KDM4C: variants seen among roughly 807,000 people sequenced by gnomAD.
The protein encoded by KDM4C is lysine demethylase 4C.
Under a neutral mutation model 129.3 loss-of-function variants are expected in KDM4C, and 81 were observed. The observed-to-expected ratio is 0.63, with a 90% confidence interval of 0.52 to 0.75. The LOEUF is 0.75. Ranked by LOEUF, KDM4C falls within the 30% of genes least tolerant of loss-of-function variation. The pLI, the probability that KDM4C is intolerant of heterozygous loss-of-function variation, is 0.00. For synonymous variants in KDM4C, 573 were observed against 456.1 expected (o/e 1.26, Z -3.26); for missense variants, 1,457 against 1,304.0 (o/e 1.12, Z -1.81).
At chr9:7,142,426 C>T (rs1176591217) in intron 19 of KDM4C, among the ~76,000 whole-genome samples, 1 of 152,156 alleles carries the variant, frequency 6.6e-6, no homozygotes, top group East Asian at 1.9e-4. Context: ...GTTTCCCTTT[C>T]TATTCAGTGG....
intron 5 of KDM4C, among the ~76,000 whole-genome samples, chr9:6,861,794 G>A (rs993327120): frequency 8.2e-5 from 12 of 145,738 alleles, no homozygotes; most frequent in Non-Finnish European, 1.5e-4. Context: ...TTTTTTTCTC[G>A]AGATGGAGTC....
intron 8 of KDM4C, among the ~76,000 whole-genome samples, chr9:6,925,962 C>T (rs1422975895): frequency 6.6e-6 from 1 of 152,100 alleles, no homozygotes; most frequent in African/African-American, 2.4e-5. Flanking sequence ...GGAACGTTTC[C>T]AGTGGCTTCC....
chr9:7,061,028 C>G (rs1831588495), intron 17 of KDM4C, among the ~76,000 whole-genome samples: 1 of 152,190 alleles, frequency 6.6e-6, no homozygotes, highest in African/African-American at 2.4e-5. Context: ...TCATTTGCCT[C>G]TAAAGAGCTA....
chr9:6,779,825 G>A (rs1823930197), intron 1 of KDM4C, among the ~76,000 whole-genome samples: 1 of 152,178 alleles, frequency 6.6e-6, no homozygotes, highest in South Asian at 2.1e-4. Context: ...AATACCAGAT[G>A]TGCATCACAT....
intron 12 of KDM4C, among the ~76,000 whole-genome samples, chr9:7,003,268 A>G (rs768895659): frequency 6.6e-6 from 1 of 152,208 alleles, no homozygotes; most frequent in African/African-American, 2.4e-5. Context: ...TACCTTTGTT[A>G]ATAGTGTAGA....
chr9:7,125,831 C>G (rs1839976526), intron 18 of KDM4C, among the ~76,000 whole-genome samples: 1 of 152,032 alleles, frequency 6.6e-6, no homozygotes, highest in South Asian at 2.1e-4. Flanking sequence ...CAGGGCCTTC[C>G]CAGCAGGTCA....
intron 17 of KDM4C, among the ~76,000 whole-genome samples, chr9:7,056,309 A>G (rs1830856660): frequency 1.3e-5 from 2 of 151,478 alleles, no homozygotes; most frequent in Non-Finnish European, 2.9e-5. Context: ...TTCAACATAC[A>G]TATGTCTCCA....
At chr9:6,804,274 A>G (rs1829556465) in intron 2 of KDM4C, among the ~76,000 whole-genome samples, 1 of 152,212 alleles carries the variant, frequency 6.6e-6, no homozygotes, top group African/African-American at 2.4e-5. Flanking sequence ...TTGATAGTGC[A>G]CATCTCTTCC....
chr9:7,079,680 T>C (rs1468619183), intron 17 of KDM4C, among the ~76,000 whole-genome samples: 1 of 152,218 alleles, frequency 6.6e-6, no homozygotes, highest in Non-Finnish European at 1.5e-5. Flanking sequence ...TAAATGGCAC[T>C]TACACTCTGC....
chr9:7,036,780 A>G (rs1316836275), intron 15 of KDM4C, among the ~76,000 whole-genome samples: 6 of 152,196 alleles, frequency 3.9e-5, no homozygotes, highest in Non-Finnish European at 5.9e-5. Flanking sequence ...ACCCCCCGAT[A>G]TAAGTCAACT....
intron 1 of KDM4C, among the ~76,000 whole-genome samples, chr9:6,783,119 A>T (rs1669362308): frequency 6.6e-6 from 1 of 152,174 alleles, no homozygotes; most frequent in Non-Finnish European, 1.5e-5. Flanking sequence ...TTACCCTGGT[A>T]AAAGGTAGCT....
At chr9:7,079,807 G>T (rs187607955) in intron 17 of KDM4C, among the ~76,000 whole-genome samples, 1 of 152,332 alleles carries the variant, frequency 6.6e-6, no homozygotes, top group African/African-American at 2.4e-5. Flanking sequence ...ACAATGCACT[G>T]ATATCTCTTA....
chr9:6,965,422 T>A (rs1373305909), intron 8 of KDM4C, among the ~76,000 whole-genome samples: 3 of 152,126 alleles, frequency 2.0e-5, no homozygotes, highest in African/African-American at 7.2e-5. Context: ...GTGACATTTA[T>A]CTCCAGAACA....
chr9:7,059,647 CAT>C (rs1831340061), intron 17 of KDM4C, among the ~76,000 whole-genome samples: 1 of 152,162 alleles, frequency 6.6e-6, no homozygotes, highest in Non-Finnish European at 1.5e-5. Context: ...TGTCAAACCA[CAT>C]AGTCTTCATA....
At chr9:6,753,377 C>T (rs543260599), upstream of KDM4C, among the ~76,000 whole-genome samples, 4 of 152,292 alleles carry the variant, frequency 2.6e-5, no homozygotes, top group African/African-American at 9.6e-5. Flanking sequence ...TATCTTTTAT[C>T]TATCATGTCT....
intron 18 of KDM4C, among the ~76,000 whole-genome samples, chr9:7,122,512 G>A (rs1451694155): frequency 2.6e-5 from 4 of 152,170 alleles, no homozygotes; most frequent in East Asian, 1.9e-4. Flanking sequence ...CTGAGATCTT[G>A]GAAAAGTCAC....
intron 8 of KDM4C, among the ~76,000 whole-genome samples, chr9:6,938,156 C>T (rs1825167991): frequency 6.6e-6 from 1 of 152,066 alleles, no homozygotes; most frequent in South Asian, 2.1e-4. Flanking sequence ...CTGCCCTCCT[C>T]CAGCCAATGT....
intron 17 of KDM4C, among the ~76,000 whole-genome samples, chr9:7,068,652 T>A (rs956386011): frequency 6.6e-6 from 1 of 151,722 alleles, no homozygotes; most frequent in African/African-American, 2.4e-5. Context: ...CTCCTTTTCT[T>A]CTGTCTATTT....
chr9:7,169,509 TA>T (rs1403926927), intron 20 of KDM4C, among the ~76,000 whole-genome samples: 4 of 151,942 alleles, frequency 2.6e-5, no homozygotes, highest in Non-Finnish European at 5.9e-5. Flanking sequence ...CTAATTTTTG[TA>T]TTTTTGTTAG....
Sources: gnomAD v4.1 joint callset for allele counts (sites outside exome capture counted in the v4.1 genomes callset) on GRCh38, gnomAD v4.1.1 for gene constraint, MANE v1.5 for transcripts, NCBI Gene and HGNC (gene_info 2026-07-23, HGNC 2026-07-21) for gene names.